The following MSH3 variants were observed in gnomAD, a reference collection of about 807,000 sequenced individuals.
The protein encoded by MSH3 is mutS homolog 3.
A neutral mutation model predicts 123.3 loss-of-function variants in MSH3; 106 were observed. That is an observed-to-expected ratio of 0.86 (90% CI 0.73 to 1.01). The LOEUF is 1.01. Ranked by LOEUF, MSH3 falls within the 50% of genes least tolerant of loss-of-function variation. The pLI is 0.00. For synonymous variants in MSH3, 515 were observed against 481.4 expected (o/e 1.07, Z -0.91); for missense variants, 1,459 against 1,347.6 (o/e 1.08, Z -1.29).
At chr5:80,786,241 T>C (rs1486561324) in intron 17 of MSH3, among the ~76,000 whole-genome samples, 1 of 152,150 alleles carries the variant, frequency 6.6e-6, no homozygotes, top group Admixed American at 6.6e-5. Context: ...AAGATGCTAG[T>C]AGGAGTCTGT....
At chr5:80,663,592 A>G (rs1368153857) in intron 2 of MSH3, among the ~76,000 whole-genome samples, 2 of 152,032 alleles carry the variant, frequency 1.3e-5, no homozygotes, top group Non-Finnish European at 2.9e-5. Flanking sequence ...TTTGTATAAC[A>G]TACACACTTA....
chr5:80,806,418 A>G (rs1744892737), intron 19 of MSH3, among the ~76,000 whole-genome samples: 1 of 152,220 alleles, frequency 6.6e-6, no homozygotes, highest in Admixed American at 6.5e-5. Flanking sequence ...TTTATACATG[A>G]TATGAGTTAG....
intron 12 of MSH3, 146 bp from the exon 13 acceptor site, chr5:80,761,400 T>C: frequency 1.0e-6 from 1 of 997,556 alleles, no homozygotes. Flanking sequence ...CAGGGAGTCC[T>C]TCCCACATGA....
At chr5:80,821,421 T>G (rs2112066461) in intron 20 of MSH3, among the ~76,000 whole-genome samples, 1 of 152,336 alleles carries the variant, frequency 6.6e-6, no homozygotes, top group South Asian at 2.1e-4. Flanking sequence ...ATTTTCACAT[T>G]TATATTACAT....
chr5:80,738,743 T>C (rs1263258378), intron 10 of MSH3, among the ~76,000 whole-genome samples: 1 of 152,180 alleles, frequency 6.6e-6, no homozygotes, highest in African/African-American at 2.4e-5. Context: ...ATGCCAACTG[T>C]TATGGCCTGG....
At chr5:80,678,896 T>G in intron 7 of MSH3, 31 bp from the exon 8 acceptor site, 1 of 1,612,958 alleles carries the variant, frequency 6.2e-7, no homozygotes, top group Non-Finnish European at 8.5e-7. Flanking sequence ...ATACATTTTT[T>G]CTGTAACATT....
At position 80,715,761 on chromosome 5, in the gene MSH3, T is replaced by C. The variant is rs111870656; in HGVS notation, c.1341-9692T>C. 3.9e-3 allele frequency among the ~76,000 whole-genome samples: 593 copies of C among 151,986 alleles called. 3 individuals carry two copies. Among genetic ancestry groups the C allele is most frequent in the African/African-American group, 0.014 (564 of 41,442 alleles). The stretch of plus-strand genomic sequence containing the variant: ...GAGGAAGAGAGAGGGGGAGGTGCCA[T>C]ACACTTTCAAACAACCAGATCTCAT... On this transcript the variant is annotated intron_variant, in intron 8 of 23. Transcript: ENST00000265081.
intron 8 of MSH3, among the ~76,000 whole-genome samples, chr5:80,707,044 C>T (rs2112842111): frequency 6.6e-6 from 1 of 152,348 alleles, no homozygotes; most frequent in Admixed American, 6.5e-5. Context: ...ACCTCCACCT[C>T]CCACTCCAAG....
At chr5:80,697,958 A>G (rs1301331446) in intron 8 of MSH3, among the ~76,000 whole-genome samples, 1 of 152,078 alleles carries the variant, frequency 6.6e-6, no homozygotes, top group Non-Finnish European at 1.5e-5. Flanking sequence ...CTCAGGCTGG[A>G]GTATGGTGGC....
chr5:80,836,543 CAAA>C (rs71603568), intron 20 of MSH3, among the ~76,000 whole-genome samples: 16 of 118,804 alleles, frequency 1.3e-4, no homozygotes, highest in African/African-American at 2.9e-4. Flanking sequence ...GAATATGCCA[CAAA>C]AAAAAAAAAA....
At chr5:80,755,120 G>A (rs1743902647) in intron 12 of MSH3, among the ~76,000 whole-genome samples, 1 of 152,128 alleles carries the variant, frequency 6.6e-6, no homozygotes, top group Admixed American at 6.6e-5. Flanking sequence ...ATTGAGAGCT[G>A]TGTTTGATTG....
chr5:80,741,852 G>T (rs1743621205), intron 11 of MSH3, among the ~76,000 whole-genome samples: 1 of 151,938 alleles, frequency 6.6e-6, no homozygotes, highest in South Asian at 2.1e-4. Flanking sequence ...AAAATATGAA[G>T]CGGATTTTTT....
chr5:80,691,817 G>GTA (rs1313800429), intron 8 of MSH3, among the ~76,000 whole-genome samples: 1 of 146,528 alleles, frequency 6.8e-6, no homozygotes, highest in Non-Finnish European at 1.5e-5. Context: ...AAATATATAT[G>GTA]TATGTTTATA....
intron 11 of MSH3, among the ~76,000 whole-genome samples, 176 bp from the exon 12 acceptor site, chr5:80,744,330 A>G (rs1164468150): frequency 1.3e-5 from 2 of 152,234 alleles, no homozygotes; most frequent in Non-Finnish European, 2.9e-5. Flanking sequence ...TTTTCTGTGT[A>G]AAATGTCAGT....
chr5:80,806,568 T>C (rs1415905037), intron 19 of MSH3, among the ~76,000 whole-genome samples: 4 of 152,192 alleles, frequency 2.6e-5, no homozygotes, highest in Non-Finnish European at 2.9e-5. Context: ...TGAACTCTTA[T>C]TTTTCACTGG....
At chr5:80,695,461 A>G (rs1411599032) in intron 8 of MSH3, among the ~76,000 whole-genome samples, 2 of 151,808 alleles carry the variant, frequency 1.3e-5, no homozygotes, top group East Asian at 1.9e-4. Context: ...TAGCCTCCCT[A>G]GTAGCTGGTA....
chr5:80,728,973 A>AT lies in MSH3; in HGVS notation c.1568+10dup, dbSNP rs2112858001. On this transcript the variant is annotated intron_variant, in intron 10 of 23. Transcript: ENST00000265081. ...GATGCTCTCCAAACCTGAGTAAGTG[A>AT]TTCCTCCAAAATTAAAAAAAGGGGG... 1 of 1,444,720 alleles carries AT rather than the reference A, an allele frequency of 6.9e-7. No individual in the cohort carries two copies. Among genetic ancestry groups the AT allele is most frequent in the Non-Finnish European group, 9.7e-7 (1 of 1,026,390 alleles). 89.5% of individuals were successfully genotyped at this position (1,444,720 alleles called of 1,614,324 possible).
At chr5:80,720,088 G>C (rs1162053603) in intron 8 of MSH3, among the ~76,000 whole-genome samples, 2 of 152,146 alleles carry the variant, frequency 1.3e-5, no homozygotes, top group Non-Finnish European at 2.9e-5. Context: ...AAAATTCCTG[G>C]CTTACAGTTT....
intron 13 of MSH3, among the ~76,000 whole-genome samples, chr5:80,766,962 A>G (rs968116908): frequency 6.6e-5 from 10 of 152,238 alleles, no homozygotes; most frequent in African/African-American, 1.7e-4. Flanking sequence ...AAGTGTTACC[A>G]TGTAAATACA....
Sources: allele counts gnomAD v4.1 joint callset (sites outside exome capture counted in the v4.1 genomes callset), GRCh38; gene constraint gnomAD v4.1.1; transcripts MANE v1.5; gene names NCBI Gene and HGNC (gene_info 2026-07-23, HGNC 2026-07-21).